Variants in ITPK1 observed in about 807,000 individuals in gnomAD.
The protein encoded by ITPK1 is inositol 1,3,4-trisphosphate 5/6-kinase.
A neutral mutation model predicts 45.3 loss-of-function variants in ITPK1; 21 were observed. The ratio of observed to expected loss-of-function variants is 0.46; its 90% CI spans 0.33 to 0.67. The LOEUF (loss-of-function observed/expected upper bound fraction) is 0.67, where lower values mean the gene tolerates loss of function less well. ITPK1 is among the 30% of genes least tolerant of loss of function. The probability of loss-of-function intolerance (pLI) is 0.02; values close to 1 mark genes in which losing one functional copy is unlikely to be tolerated. For missense variants in ITPK1, 474 were observed against 573.5 expected (o/e 0.83, Z 1.77); for synonymous variants, 258 against 253.6 (o/e 1.02, Z -0.16).
chr14:93,070,911 T>C (rs762390794), intron 3 of ITPK1: 9 of 153,784 alleles, frequency 5.9e-5, no homozygotes, highest in Non-Finnish European at 2.9e-5. Flanking sequence ...AACACTGAAA[T>C]GGTGGAGTCA....
intron 5 of ITPK1, among the ~76,000 whole-genome samples, chr14:92,966,525 TG>T (rs1177098758): frequency 6.6e-6 from 1 of 152,296 alleles, no homozygotes; most frequent in Admixed American, 6.5e-5. Flanking sequence ...ACTCCCAAAT[TG>T]ATCTATAGAC....
chr14:93,090,478 T>G (rs1891825160), intron 2 of ITPK1, among the ~76,000 whole-genome samples: 1 of 152,090 alleles, frequency 6.6e-6, no homozygotes, highest in Non-Finnish European at 1.5e-5. Flanking sequence ...ATCCACAGAG[T>G]CCACTTCGTG....
intron 2 of ITPK1, among the ~76,000 whole-genome samples, chr14:93,112,533 G>A (rs1290859072): frequency 4.7e-5 from 7 of 148,066 alleles, no homozygotes; most frequent in African/African-American, 1.2e-4. Context: ...TCTGCCTCCC[G>A]GGTTCAAGTG....
intron 3 of ITPK1, among the ~76,000 whole-genome samples, chr14:93,040,266 C>G (rs1443806802): frequency 6.6e-6 from 1 of 152,214 alleles, no homozygotes; most frequent in Non-Finnish European, 1.5e-5. Flanking sequence ...CAATGGGGAG[C>G]CTGGGCTTCA....
intron 2 of ITPK1, among the ~76,000 whole-genome samples, chr14:93,110,769 A>C (rs1325653054): frequency 1.3e-5 from 2 of 152,206 alleles, no homozygotes; most frequent in African/African-American, 4.8e-5. Flanking sequence ...TTGCAAGCCA[A>C]GTCAGCCCAG....
At chr14:93,013,109 C>G (rs188862864) in intron 4 of ITPK1, among the ~76,000 whole-genome samples, 1 of 152,186 alleles carries the variant, frequency 6.6e-6, no homozygotes. Context: ...CACTTGCCCA[C>G]GTGGGCAGGC....
intron 3 of ITPK1, chr14:93,066,203 A>G (rs1342001383): frequency 2.2e-6 from 1 of 455,308 alleles, no homozygotes; most frequent in Non-Finnish European, 4.4e-6. Context: ...CACAGCGCAC[A>G]TCAGGGCCAG....
At chr14:92,979,109 AGTCAAAGGACATTAT>A (rs1886091848) in intron 5 of ITPK1, among the ~76,000 whole-genome samples, 1 of 152,228 alleles carries the variant, frequency 6.6e-6, no homozygotes, top group Admixed American at 6.5e-5. Flanking sequence ...TGAGACATGG[AGTCAAAGGACATTAT>A]TTTGGAGCTT....
intron 5 of ITPK1, among the ~76,000 whole-genome samples, chr14:92,965,578 C>T (rs1407804224): frequency 6.6e-6 from 1 of 152,194 alleles, no homozygotes; most frequent in Non-Finnish European, 1.5e-5. Context: ...GGATCTTATA[C>T]ATAGAAAATC....
At chr14:92,980,213 T>A (rs1057489793) in intron 5 of ITPK1, among the ~76,000 whole-genome samples, 3 of 152,190 alleles carry the variant, frequency 2.0e-5, no homozygotes, top group Non-Finnish European at 4.4e-5. Flanking sequence ...CAAGGCTGGA[T>A]CTGGGGCTGT....
chr14:93,081,396 A>G (rs1003691694), intron 2 of ITPK1, among the ~76,000 whole-genome samples: 1 of 152,118 alleles, frequency 6.6e-6, no homozygotes, highest in African/African-American at 2.4e-5. Flanking sequence ...CATTGTATTG[A>G]TAAATATTAC....
intron 3 of ITPK1, among the ~76,000 whole-genome samples, chr14:93,073,981 A>G (rs1406265719): frequency 6.6e-6 from 1 of 152,206 alleles, no homozygotes; most frequent in African/African-American, 2.4e-5. Flanking sequence ...ACCTGAACCC[A>G]GAGGACTGCA....
intron 3 of ITPK1, among the ~76,000 whole-genome samples, chr14:93,037,608 C>T (rs909169130): frequency 3.9e-5 from 6 of 152,126 alleles, no homozygotes; most frequent in Non-Finnish European, 8.8e-5. Context: ...CTCCTACTGG[C>T]GAGCCCGGGG....
intron 5 of ITPK1, among the ~76,000 whole-genome samples, chr14:92,968,801 C>A (rs765981446): frequency 2.0e-5 from 3 of 152,316 alleles, no homozygotes; most frequent in South Asian, 2.1e-4. Context: ...GCAGACACAC[C>A]GGCTGCCTGG....
In ITPK1 at chr14:93,039,990, C is replaced by A. The variant is rs537724269; in HGVS notation, c.121-23189G>T. Among the ~76,000 whole-genome samples, 599 of 152,356 alleles carry A rather than the reference C, an allele frequency of 3.9e-3. 2 individuals carry two copies. Among genetic ancestry groups the A allele is most frequent in the African/African-American group, 0.013 (544 of 41,584 alleles). On this transcript the variant is annotated intron_variant, in intron 3 of 10. Transcript: ENST00000267615. ...AGAAACCCTCTGGATGGGGTCAGAG[C>A]GCACACGGGTGCTCCTGCCAGCCCC...
At chr14:92,948,722 C>T (rs887407310) in intron 9 of ITPK1, among the ~76,000 whole-genome samples, 16 of 152,178 alleles carry the variant, frequency 1.1e-4, no homozygotes, top group African/African-American at 3.9e-4. Context: ...GGCCCTTACC[C>T]AAGCACAGGA....
intron 7 of ITPK1, among the ~76,000 whole-genome samples, chr14:92,959,705 A>C (rs1262217773): frequency 6.6e-6 from 1 of 150,544 alleles, no homozygotes; most frequent in East Asian, 1.9e-4. Flanking sequence ...GCTAAGTTAT[A>C]GCTTAAAAAA....
intron 8 of ITPK1, among the ~76,000 whole-genome samples, chr14:92,954,149 C>T (rs1281772082): frequency 4.6e-5 from 7 of 152,232 alleles, no homozygotes; most frequent in Non-Finnish European, 2.9e-5. Context: ...CCCGCCTCAG[C>T]CTCCCAAAGT....
intron 7 of ITPK1, among the ~76,000 whole-genome samples, chr14:92,959,197 C>A (rs939014144): frequency 6.6e-6 from 1 of 152,206 alleles, no homozygotes; most frequent in African/African-American, 2.4e-5. Flanking sequence ...GGGCTCTGCA[C>A]AGGGTCTGCT....
Sources: gnomAD v4.1 joint callset for allele counts (sites outside exome capture counted in the v4.1 genomes callset) on GRCh38, gnomAD v4.1.1 for gene constraint, MANE v1.5 for transcripts, NCBI Gene and HGNC (gene_info 2026-07-23, HGNC 2026-07-21) for gene names.